NCKAP1: variants seen among roughly 807,000 people sequenced by gnomAD.
NCKAP1 encodes the protein NCK associated protein 1.
Under a neutral mutation model 151.2 loss-of-function variants are expected in NCKAP1, and 21 were observed. That is an observed-to-expected ratio of 0.14 (90% CI 0.10 to 0.20). The LOEUF is 0.20. NCKAP1 is among the 10% of genes least tolerant of loss of function. NCKAP1 has a pLI of 1.00. For synonymous variants in NCKAP1, 484 were observed against 451.8 expected, an observed-to-expected ratio of 1.07 and a Z score of -0.90; for missense variants, 933 against 1,352.1, an observed-to-expected ratio of 0.69 and a Z score of 4.86.
At chr2:182,929,885 T>C (rs894819512) in intron 27 of NCKAP1, among the ~76,000 whole-genome samples, 39 of 151,928 alleles carry the variant, frequency 2.6e-4, no homozygotes, top group African/African-American at 8.5e-4. Context: ...TCAAGAAATA[T>C]CTACAGGATT....
intron 2 of NCKAP1, among the ~76,000 whole-genome samples, chr2:183,022,616 G>A (rs888728948): frequency 6.6e-6 from 1 of 151,992 alleles, no homozygotes; most frequent in East Asian, 1.9e-4. Context: ...GTGAGATCTC[G>A]TCTCTACAAA....
intron 8 of NCKAP1, among the ~76,000 whole-genome samples, chr2:182,992,936 C>G (rs540643073): frequency 9.5e-4 from 144 of 152,022 alleles, no homozygotes; most frequent in Middle Eastern, 6.8e-3. Flanking sequence ...TCTGGTAATT[C>G]TAGTAATTCA....
chr2:182,955,180 A>T (rs892946971), intron 20 of NCKAP1, among the ~76,000 whole-genome samples: 21 of 152,324 alleles, frequency 1.4e-4, no homozygotes, highest in African/African-American at 5.1e-4. Flanking sequence ...ATACTGTCAT[A>T]TTCTGTTCTC....
Position 182,958,686 on chromosome 2 carries a change from C to T in NCKAP1, c.1882-1090G>A, listed in dbSNP as rs4635492. Among the ~76,000 whole-genome samples, 71 of 152,254 alleles carry T rather than the reference C, an allele frequency of 4.7e-4. No homozygotes were observed. In the East Asian group the frequency reaches 0.013, roughly 28 times the overall value. ...GGAATCAAGTATGACACAGAGGTTT[C>T]TACCTAACACATTGTTAAGACCAAT... On this transcript the variant is annotated intron_variant, in intron 18 of 30. Transcript: ENST00000361354.
At chr2:182,995,462 C>T (rs962116943) in intron 7 of NCKAP1, among the ~76,000 whole-genome samples, 5 of 152,076 alleles carry the variant, frequency 3.3e-5, no homozygotes, top group African/African-American at 1.2e-4. Context: ...GCAAAACAAA[C>T]TTTTAAACTT....
intron 15 of NCKAP1, among the ~76,000 whole-genome samples, chr2:182,973,312 T>C (rs1697737369): frequency 6.6e-6 from 1 of 152,036 alleles, no homozygotes; most frequent in South Asian, 2.1e-4. Flanking sequence ...AACATGTTAC[T>C]AAAAAAGAAT....
chr2:182,982,688 A>G, intron 12 of NCKAP1, 133 bp downstream of exon 12: 1 of 622,434 alleles, frequency 1.6e-6, no homozygotes, highest in Admixed American at 3.3e-5. Context: ...ATGTTCAGTA[A>G]TAATAGGTGT....
At chr2:182,964,922 TAAG>T (rs1178645723) in intron 16 of NCKAP1, 114 bp from the exon 17 acceptor site, 2 of 698,628 alleles carry the variant, frequency 2.9e-6, no homozygotes, top group South Asian at 3.4e-5. Flanking sequence ...AGCACTGATT[TAAG>T]AAGAGAATAT....
intron 6 of NCKAP1, among the ~76,000 whole-genome samples, chr2:183,001,071 C>T (rs1047924214): frequency 4.6e-5 from 7 of 152,116 alleles, no homozygotes; most frequent in Non-Finnish European, 8.8e-5. Context: ...CCGGCTGGGG[C>T]GACAGAGCGA....
rs969317517 is a variant in NCKAP1, at chr2:182,916,199, C to G, written c.*9503G>C. The stretch of plus-strand genomic sequence containing the variant: ...AAAAAAAAAAAAAAAAAACATGTCT[C>G]TGTGTCATCACTGAGCTGCTGCTAT... On this transcript the variant is annotated 3_prime_UTR_variant, in exon 31 of 31. Transcript: ENST00000361354. 18 of 144,384 alleles carry G rather than the reference C, an allele frequency of 1.2e-4. No individual in the cohort carries two copies. The highest frequency in any genetic ancestry group is 4.3e-4 in the African/African-American group (17 of 39,730). 8.9% of individuals were successfully genotyped at this position (144,384 alleles called of 1,614,324 possible).
chr2:182,981,575 A>G (rs1432362077), intron 12 of NCKAP1, among the ~76,000 whole-genome samples, 199 bp from the exon 13 acceptor site: 1 of 152,144 alleles, frequency 6.6e-6, no homozygotes. Flanking sequence ...AAGAAAGAAA[A>G]AAAGTTAAAG....
At chr2:183,019,187 T>TA (rs1423554252) in intron 2 of NCKAP1, among the ~76,000 whole-genome samples, 18 of 152,320 alleles carry the variant, frequency 1.2e-4, no homozygotes, top group African/African-American at 4.3e-4. Context: ...CATAGGATAG[T>TA]AATTTTTATC....
In NCKAP1 at chr2:182,912,466, G is replaced by A. The variant is rs1418933629; in HGVS notation, c.*13236C>T. On this transcript the variant is annotated 3_prime_UTR_variant, in exon 31 of 31. Transcript: ENST00000361354. Reference sequence around the variant, plus strand: ...TCTTTTAGCACATTATAATAATCCTGTTGTGCAGTACTCCTTTCCAATGAC... The same window carrying A: ...TCTTTTAGCACATTATAATAATCCTATTGTGCAGTACTCCTTTCCAATGAC... The A allele has an allele frequency of 6.6e-6, 1 of 152,142 alleles. No homozygotes were observed. Among genetic ancestry groups the A allele is most frequent in the African/African-American group, 2.4e-5 (1 of 41,424 alleles). 9.4% of individuals were successfully genotyped at this position (152,142 alleles called of 1,614,324 possible). A position where few individuals can be genotyped will look rare whatever the true frequency, so the allele number is the denominator to read the frequency against.
chr2:182,978,311 G>C (rs1697867165), intron 14 of NCKAP1, among the ~76,000 whole-genome samples: 1 of 152,168 alleles, frequency 6.6e-6, no homozygotes, highest in South Asian at 2.1e-4. Context: ...GTGATTATAT[G>C]ACATCAATTT....
At position 182,923,315 on chromosome 2, in the gene NCKAP1, C is replaced by T. The variant is rs1344984882; in HGVS notation, c.*2387G>A. On this transcript the variant is annotated 3_prime_UTR_variant, in exon 31 of 31. Coordinates refer to ENST00000361354, the MANE Select transcript of NCKAP1 (RefSeq NM_013436.5). The stretch of plus-strand genomic sequence containing the variant: ...TTTGAGACAGTCTCATTCTGTCATC[C>T]AGGCTGGAGTGCAGTGGTGTGATCT... The T allele has an allele frequency of 6.6e-6, 1 of 152,022 alleles. No homozygotes were observed. Among genetic ancestry groups the T allele is most frequent in the Non-Finnish European group, 1.5e-5 (1 of 68,036 alleles). 9.4% of individuals were successfully genotyped at this position (152,022 alleles called of 1,614,324 possible).
At position 182,987,476 on chromosome 2, in the gene NCKAP1, T is replaced by C. The variant is rs186347434; in HGVS notation, c.948-1249A>G. ...CAATTAAATTAAAAATGCAAACTCA[T>C]AATTTTAAATACAGAGATTCTCAAA... On this transcript the variant is annotated intron_variant, in intron 9 of 30. Coordinates refer to ENST00000361354, the MANE Select transcript of NCKAP1 (RefSeq NM_013436.5). Among the ~76,000 whole-genome samples, 190 of 152,312 alleles carry C rather than the reference T, an allele frequency of 1.2e-3. 2 individuals carry two copies. The highest frequency in any genetic ancestry group is 4.4e-3 in the African/African-American group (184 of 41,564).
chr2:182,951,513 A>G lies in NCKAP1; in HGVS notation c.2601+892T>C, dbSNP rs540152627. ...GTGAAACACCGTCTCTACTAAAAAT[A>G]CAAAAATAAGCCAGGCTTGGTGGTG... On this transcript the variant is annotated intron_variant, in intron 23 of 30. Transcript: ENST00000361354. Among the ~76,000 whole-genome samples, 10 of 151,932 alleles carry G rather than the reference A, an allele frequency of 6.6e-5. No individual in the cohort carries two copies. The East Asian group carries it at 1.8e-3, about 27-fold the overall frequency.
chr2:183,029,595 G>A (rs940196222), intron 1 of NCKAP1, among the ~76,000 whole-genome samples: 2 of 152,054 alleles, frequency 1.3e-5, no homozygotes, highest in African/African-American at 4.8e-5. Flanking sequence ...GCCAAGGCAG[G>A]AGAATTGCTG....
Position 182,964,763 on chromosome 2 carries a change from C to T in NCKAP1, c.1674G>A (p.Glu558=). The change falls in exon 17 of 31, where the codon GAG becomes GAA. Residue 558 remains glutamate (E), a synonymous_variant. Coordinates refer to ENST00000361354, the MANE Select transcript of NCKAP1 (RefSeq NM_013436.5). ...AFEKMFQQCL[E]LPSQSRYSIA... is the part of the protein sequence containing the mutation. ...TTGAGTATCTTGATTGAGAGGGTAACTCCAAACACTGTTGAAACATCTTCT... is the reference window on the plus strand; with the variant it reads ...TTGAGTATCTTGATTGAGAGGGTAATTCCAAACACTGTTGAAACATCTTCT... 2 of 1,609,770 alleles carry T rather than the reference C, an allele frequency of 1.2e-6. No individual in the cohort carries two copies. Among genetic ancestry groups the T allele is most frequent in the Non-Finnish European group, 1.7e-6 (2 of 1,177,700 alleles).
Sources: allele counts gnomAD v4.1 joint callset (sites outside exome capture counted in the v4.1 genomes callset), GRCh38; gene constraint gnomAD v4.1.1; transcripts MANE v1.5; gene names NCBI Gene and HGNC (gene_info 2026-07-23, HGNC 2026-07-21).